The following SYT1 variants were observed in gnomAD, a reference collection of about 807,000 sequenced individuals.
SYT1 encodes the protein synaptotagmin 1.
SYT1 carries 8 observed loss-of-function variants against 44.8 expected under a neutral mutation model. That is an observed-to-expected ratio of 0.18 (90% confidence interval 0.10 to 0.32). SYT1 has a LOEUF of 0.32. SYT1 is among the 10% of genes least tolerant of loss of function. The pLI, the probability that SYT1 is intolerant of heterozygous loss-of-function variation, is 1.00. For missense variants in SYT1, 286 were observed against 509.3 expected, an observed-to-expected ratio of 0.56 and a Z score of 4.22; for synonymous variants, 154 against 188.8, an observed-to-expected ratio of 0.82 and a Z score of 1.51.
chr12:79,299,391 A>T lies in SYT1; in HGVS notation c.650A>T (p.Tyr217Phe), dbSNP rs1880024761. 6.2e-7 allele frequency: 1 copy of T among 1,612,786 alleles called. No homozygotes were observed. The highest frequency in any genetic ancestry group is 1.3e-5 in the African/African-American group (1 of 74,790). The stretch of plus-strand genomic sequence containing the variant: ...TCATGTCTTTTAATTTAGGTACCAT[A>T]CTCGGAATTGGGTGGCAAAACCCTA... ...FNEQFTFKVP[Y>F]SELGGKTLVM... is the part of the protein sequence containing the mutation. The change falls in exon 8 of 11, where the codon TAC (tyrosine) becomes TTC (phenylalanine). Residue 217 changes from tyrosine to phenylalanine, a missense_variant. Around this residue, in one of 6 missense-constraint regions of SYT1, gnomAD observed 81 missense variants for 164.9 expected, o/e 0.49. Transcript: ENST00000261205.
intron 2 of SYT1, among the ~76,000 whole-genome samples, chr12:79,041,335 T>C (rs1486767240): frequency 1.3e-5 from 2 of 152,190 alleles, no homozygotes; most frequent in Non-Finnish European, 2.9e-5. Flanking sequence ...GAAGAGGTCC[T>C]TCACATCCCC....
chr12:78,903,214 G>A (rs890015040), intron 1 of SYT1, among the ~76,000 whole-genome samples: 2 of 151,140 alleles, frequency 1.3e-5, no homozygotes, highest in Non-Finnish European at 2.9e-5. Flanking sequence ...AGAGTTTTGT[G>A]TTTTATATTA....
At chr12:79,414,534 G>T (rs554823427) in intron 9 of SYT1, among the ~76,000 whole-genome samples, 1 of 152,140 alleles carries the variant, frequency 6.6e-6, no homozygotes, top group South Asian at 2.1e-4. Context: ...CTCCTTTATC[G>T]CACAAAGAAG....
chr12:79,107,330 T>G (rs1380802300), intron 3 of SYT1, among the ~76,000 whole-genome samples: 5 of 151,996 alleles, frequency 3.3e-5, no homozygotes, highest in Non-Finnish European at 5.9e-5. Flanking sequence ...GGTTATCTAT[T>G]ATTGTTCCTG....
intron 3 of SYT1, among the ~76,000 whole-genome samples, chr12:79,055,791 CATCTT>C (rs1874888350): frequency 6.6e-6 from 1 of 151,874 alleles, no homozygotes; most frequent in South Asian, 2.1e-4. Context: ...TTATTTAAAA[CATCTT>C]AGTAATATCA....
chr12:78,877,196 C>T (rs1198533176), intron 1 of SYT1, among the ~76,000 whole-genome samples: 2 of 151,020 alleles, frequency 1.3e-5, no homozygotes, highest in Non-Finnish European at 3.0e-5. Context: ...GGTGGGGAGG[C>T]CTCAAAATCA....
intron 4 of SYT1, among the ~76,000 whole-genome samples, chr12:79,263,514 T>C (rs1592910436): frequency 6.6e-6 from 1 of 152,238 alleles, no homozygotes; most frequent in South Asian, 2.1e-4. Context: ...ATGTGTCTAC[T>C]GTAGTTTTTC....
At chr12:79,214,941 ATGTGTGTG>A (rs71091652) in intron 3 of SYT1, among the ~76,000 whole-genome samples, 81,188 of 148,412 alleles carry the variant, frequency 0.55, 22,168 homozygotes, top group Admixed American at 0.61. Flanking sequence ...ATGTGTGTAT[ATGTGTGTG>A]TGTGTGTGTG....
intron 8 of SYT1, among the ~76,000 whole-genome samples, chr12:79,306,990 A>C (rs61658423): frequency 6.6e-6 from 1 of 152,246 alleles, no homozygotes; most frequent in African/African-American, 2.4e-5. Context: ...ATTTAAACCT[A>C]TTCAAATGTA....
chr12:79,060,382 CA>C (rs1326645641), intron 3 of SYT1, among the ~76,000 whole-genome samples: 6 of 152,082 alleles, frequency 3.9e-5, no homozygotes, highest in African/African-American at 1.4e-4. Flanking sequence ...GTATTAAGTA[CA>C]TTCACACTGT....
rs891567444 is a variant in SYT1, at chr12:79,360,587, A to G, written c.928+6968A>G. Among the ~76,000 whole-genome samples, 7 of 152,346 alleles carry G rather than the reference A, an allele frequency of 4.6e-5. No individual in the cohort carries two copies. In the East Asian group the frequency reaches 1.2e-3, roughly 25 times the overall value. On this transcript the variant is annotated intron_variant, in intron 9 of 10. Coordinates refer to ENST00000261205, the MANE Select transcript of SYT1 (RefSeq NM_005639.3). ...GAACCAATTAGACAGGGATATGCAAATTAATTGGCCATGATATCAGGGTCA... is the reference window on the plus strand; with the variant it reads ...GAACCAATTAGACAGGGATATGCAAGTTAATTGGCCATGATATCAGGGTCA...
intron 2 of SYT1, among the ~76,000 whole-genome samples, chr12:79,040,192 C>T (rs1216416838): frequency 1.2e-4 from 18 of 151,722 alleles, no homozygotes; most frequent in African/African-American, 2.7e-4. Context: ...CCTGAGGAAT[C>T]GCCACACTGA....
chr12:79,036,164 G>A (rs893856943), intron 2 of SYT1, among the ~76,000 whole-genome samples: 2 of 151,730 alleles, frequency 1.3e-5, no homozygotes, highest in South Asian at 2.1e-4. Flanking sequence ...CAAATATATA[G>A]TGCATGGCCT....
intron 1 of SYT1, among the ~76,000 whole-genome samples, chr12:78,941,709 T>C (rs554976184): frequency 2.0e-5 from 3 of 152,278 alleles, no homozygotes; most frequent in African/African-American, 7.2e-5. Context: ...CCACCATACT[T>C]TTCTATATTC....
chr12:79,031,711 T>C (rs1008706127), intron 2 of SYT1, among the ~76,000 whole-genome samples: 17 of 150,816 alleles, frequency 1.1e-4, no homozygotes, highest in Non-Finnish European at 2.4e-4. Flanking sequence ...GTTAGTAAGG[T>C]TTGAGGTGTA....
At position 79,113,771 on chromosome 12, in the gene SYT1, C is replaced by T. The variant is rs557485478; in HGVS notation, c.-18+66409C>T. Among the ~76,000 whole-genome samples the T allele has an allele frequency of 2.0e-5, 3 of 152,134 alleles. No homozygotes were observed. The South Asian group carries it at 6.2e-4, about 32-fold the overall frequency. The stretch of plus-strand genomic sequence containing the variant: ...ATAAAAGATCTGCTCACCACTAATC[C>T]CAGTTCCCACAAAAACTGCTATAGT... On this transcript the variant is annotated intron_variant, in intron 3 of 10. Coordinates refer to ENST00000261205, the MANE Select transcript of SYT1 (RefSeq NM_005639.3).
intron 1 of SYT1, among the ~76,000 whole-genome samples, chr12:78,894,330 GTTTTTTTTTTTTTTTTTTT>G (rs566175647): frequency 2.5e-4 from 7 of 27,710 alleles, no homozygotes; most frequent in South Asian, 2.1e-3. Flanking sequence ...TTTTTAATCT[GTTTTTTTTTTTTTTTTTTT>G]TTTTTTTTTT....
At chr12:79,320,402 G>A (rs1881296991) in intron 8 of SYT1, among the ~76,000 whole-genome samples, 1 of 152,092 alleles carries the variant, frequency 6.6e-6, no homozygotes, top group Non-Finnish European at 1.5e-5. Flanking sequence ...AGAATAAATT[G>A]CAGCATTTCT....
At chr12:78,915,371 C>A (rs1876591377) in intron 1 of SYT1, among the ~76,000 whole-genome samples, 1 of 151,914 alleles carries the variant, frequency 6.6e-6, no homozygotes, top group South Asian at 2.1e-4. Context: ...TGATGCATAG[C>A]CAAGGTTAAG....
Sources: gnomAD v4.1 joint callset for allele counts (sites outside exome capture counted in the v4.1 genomes callset) on GRCh38, gnomAD v4.1.1 for gene constraint, gnomAD v4.1.1 regional missense constraint, MANE v1.5 for transcripts, NCBI Gene and HGNC (gene_info 2026-07-23, HGNC 2026-07-21) for gene names.